SPMIP2: variants seen among roughly 807,000 people sequenced by gnomAD.
The protein encoded by SPMIP2 is protein SPMIP2.
At chr4:159,079,230 T>C in the SPMIP2 span, among the ~76,000 whole-genome samples, 1 of 152,160 alleles carries the variant, frequency 6.6e-6, no homozygotes, top group Non-Finnish European at 1.5e-5. Flanking sequence ...TCCAAAGTGA[T>C]GTTTTTTAGA....
the SPMIP2 span, chr4:158,895,904 G>T: frequency 4.2e-6 from 6 of 1,421,334 alleles, no homozygotes; most frequent in South Asian, 6.0e-5. Context: ...CCCTTTGATA[G>T]GTATCCCTAG....
chr4:159,004,289 C>CTTTTTTTTTTTT, the SPMIP2 span, among the ~76,000 whole-genome samples: 55 of 78,918 alleles, frequency 7.0e-4, 2 homozygotes, highest in Non-Finnish European at 8.8e-4. Flanking sequence ...ACTCTGTGCT[C>CTTTTTTTTTTTT]TTTTTTTTTT....
chr4:159,038,907 C>G, the SPMIP2 span: 1 of 152,642 alleles, frequency 6.6e-6, no homozygotes, highest in Non-Finnish European at 1.5e-5. Flanking sequence ...GGAGGGTGAG[C>G]TGGGAGGTGA....
At chr4:158,921,535 G>T in the SPMIP2 span, among the ~76,000 whole-genome samples, 2 of 152,168 alleles carry the variant, frequency 1.3e-5, no homozygotes, top group Non-Finnish European at 2.9e-5. Context: ...GCCATAGGAA[G>T]ATGTGCCTGC....
the SPMIP2 span, among the ~76,000 whole-genome samples, chr4:158,944,836 A>C: frequency 1.3e-5 from 2 of 151,604 alleles, no homozygotes; most frequent in Non-Finnish European, 1.5e-5. Context: ...CTTTGACTCC[A>C]CTCCTCTAGG....
chr4:158,983,428 A>T, the SPMIP2 span, among the ~76,000 whole-genome samples: 88 of 151,970 alleles, frequency 5.8e-4, no homozygotes, highest in African/African-American at 2.0e-3. Flanking sequence ...CGGGTTACCC[A>T]CAAAGGGAAG....
At chr4:158,987,090 T>C in the SPMIP2 span, among the ~76,000 whole-genome samples, 4 of 106,704 alleles carry the variant, frequency 3.7e-5, no homozygotes, top group Admixed American at 2.1e-4. Context: ...AGATACCATC[T>C]CACACCAGTT....
chr4:158,918,570 C>T, the SPMIP2 span, among the ~76,000 whole-genome samples: 7 of 152,194 alleles, frequency 4.6e-5, no homozygotes, highest in East Asian at 1.9e-4. Flanking sequence ...AATCCTTGGC[C>T]GTCTTTAGTC....
At chr4:159,011,847 G>C in the SPMIP2 span, among the ~76,000 whole-genome samples, 2 of 151,996 alleles carry the variant, frequency 1.3e-5, no homozygotes, top group African/African-American at 2.4e-5. Context: ...ATTACCTGAG[G>C]TAAGGAGTTT....
chr4:159,000,158 G>A, the SPMIP2 span, among the ~76,000 whole-genome samples: 1 of 152,010 alleles, frequency 6.6e-6, no homozygotes, highest in Non-Finnish European at 1.5e-5. Flanking sequence ...AGTACAGAAT[G>A]CCCAGTTAAA....
At chr4:158,966,525 A>G in the SPMIP2 span, among the ~76,000 whole-genome samples, 7 of 152,242 alleles carry the variant, frequency 4.6e-5, no homozygotes, top group Admixed American at 4.6e-4. Flanking sequence ...CACTTTTACT[A>G]GCACCTACCT....
the SPMIP2 span, among the ~76,000 whole-genome samples, chr4:159,066,319 C>A: frequency 6.6e-6 from 1 of 151,940 alleles, no homozygotes; most frequent in African/African-American, 2.4e-5. Flanking sequence ...TGCTGCAATC[C>A]TATGGAAGAT....
chr4:159,040,322 C>T, the SPMIP2 span, among the ~76,000 whole-genome samples: 6 of 151,954 alleles, frequency 3.9e-5, no homozygotes, highest in Non-Finnish European at 8.8e-5. Context: ...CAGGCACGTG[C>T]CACCATACCT....
the SPMIP2 span, among the ~76,000 whole-genome samples, chr4:159,063,504 C>A: frequency 6.6e-6 from 1 of 152,056 alleles, no homozygotes; most frequent in African/African-American, 2.4e-5. Flanking sequence ...GAGCTGAAAT[C>A]GTGCCACTGC....
the SPMIP2 span, among the ~76,000 whole-genome samples, chr4:158,992,247 G>A: frequency 6.6e-6 from 1 of 152,228 alleles, no homozygotes; most frequent in Non-Finnish European, 1.5e-5. Context: ...GCACCATGAA[G>A]GTGGTGGTGT....
chr4:158,968,230 T>C, the SPMIP2 span, among the ~76,000 whole-genome samples: 2 of 152,178 alleles, frequency 1.3e-5, no homozygotes, highest in African/African-American at 4.8e-5. Flanking sequence ...GGTTTCACCA[T>C]GGTGGCCAGG....
chr4:159,022,611 G>A, the SPMIP2 span, among the ~76,000 whole-genome samples: 1 of 152,164 alleles, frequency 6.6e-6, no homozygotes, highest in Non-Finnish European at 1.5e-5. Context: ...GGGGTATAGG[G>A]CCTGAGGCTC....
At chr4:158,977,534 C>T in the SPMIP2 span, among the ~76,000 whole-genome samples, 1 of 140,646 alleles carries the variant, frequency 7.1e-6, no homozygotes, top group Non-Finnish European at 1.5e-5. Context: ...TTGATATTTT[C>T]AAAAAATCAG....
At chr4:159,009,369 TAAC>T in the SPMIP2 span, among the ~76,000 whole-genome samples, 1 of 152,218 alleles carries the variant, frequency 6.6e-6, no homozygotes, top group South Asian at 2.1e-4. Context: ...CAATCTGTCT[TAAC>T]AATCCCTCCA....
Sources: allele counts gnomAD v4.1 joint callset (sites outside exome capture counted in the v4.1 genomes callset), GRCh38; gene constraint gnomAD v4.1.1; transcripts MANE v1.5; gene names NCBI Gene and HGNC (gene_info 2026-07-23, HGNC 2026-07-21).